TRIQK: variants seen among roughly 807,000 people sequenced by gnomAD.
TRIQK encodes triple QxxK/R motif-containing protein.
TRIQK carries 10 observed loss-of-function variants against 10.8 expected under a neutral mutation model. The observed-to-expected ratio is 0.92, with a 90% confidence interval of 0.57 to 1.57. The LOEUF is 1.57. Among genes scored for constraint, TRIQK ranks in the 40% most tolerant of loss-of-function variants. The pLI, the probability that TRIQK is intolerant of heterozygous loss-of-function variation, is 0.00. For synonymous variants in TRIQK, 33 were observed against 33.7 expected (o/e 0.98, Z 0.07); for missense variants, 107 against 97.7 (o/e 1.09, Z -0.40).
At chr8:92,963,214 T>C (rs1056039974) in intron 1 of TRIQK, among the ~76,000 whole-genome samples, 1 of 152,218 alleles carries the variant, frequency 6.6e-6, no homozygotes, top group African/African-American at 2.4e-5. Context: ...CATATATACA[T>C]TTATGCGTTT....
chr8:92,885,874 A>G lies in TRIQK; in HGVS notation c.*748T>C, dbSNP rs1816449235. 6.6e-6 allele frequency: 1 copy of G among 151,712 alleles called. No individual in the cohort carries two copies. The highest frequency in any genetic ancestry group is 1.5e-5 in the Non-Finnish European group (1 of 67,780). The allele number at this position is 151,712 out of a possible 1,614,324, so 9.4% of individuals were successfully genotyped here. On this transcript the variant is annotated 3_prime_UTR_variant, in exon 5 of 5. Coordinates refer to ENST00000521988, the MANE Select transcript of TRIQK (RefSeq NM_001171797.2). ...CTAACAAGAGGGGCGAACTGATACT[A>G]CAAGCAGCCAGAACAACATAATTAG...
chr8:92,975,374 T>C (rs1344006323), intron 1 of TRIQK, among the ~76,000 whole-genome samples: 1 of 152,222 alleles, frequency 6.6e-6, no homozygotes, highest in African/African-American at 2.4e-5. Context: ...TTAAAGTAGA[T>C]GTGGGACTAT....
At chr8:92,964,949 CT>C (rs1305699743) in intron 1 of TRIQK, 2 of 152,310 alleles carry the variant, frequency 1.3e-5, no homozygotes, top group South Asian at 4.1e-4. Context: ...GGGGTTTGCA[CT>C]GTAAACCTGC....
At chr8:93,003,806 T>C (rs1302273830) in intron 1 of TRIQK, among the ~76,000 whole-genome samples, 2 of 152,210 alleles carry the variant, frequency 1.3e-5, no homozygotes, top group Non-Finnish European at 2.9e-5. Context: ...AAAGGGAGGC[T>C]ACAAGCCCCA....
intron 1 of TRIQK, among the ~76,000 whole-genome samples, chr8:93,016,433 T>C (rs1035474120): frequency 6.6e-6 from 1 of 152,216 alleles, no homozygotes; most frequent in Non-Finnish European, 1.5e-5. Flanking sequence ...TAACAACTAG[T>C]TTTCTAATCT....
intron 2 of TRIQK, among the ~76,000 whole-genome samples, chr8:92,935,888 C>G (rs1176577536): frequency 6.6e-6 from 1 of 151,362 alleles, no homozygotes; most frequent in African/African-American, 2.4e-5. Context: ...AGGTAGAGAT[C>G]AAATAGAATA....
chr8:92,941,950 G>GA (rs1811292098), intron 2 of TRIQK, among the ~76,000 whole-genome samples: 1 of 152,096 alleles, frequency 6.6e-6, no homozygotes, highest in African/African-American at 2.4e-5. Flanking sequence ...TCTCATCAGT[G>GA]AAAATCCCAG....
At chr8:92,980,715 T>C (rs1812978364) in intron 1 of TRIQK, among the ~76,000 whole-genome samples, 1 of 151,928 alleles carries the variant, frequency 6.6e-6, no homozygotes, top group Non-Finnish European at 1.5e-5. Flanking sequence ...TAATTACTCA[T>C]TCTCTTATAT....
intron 2 of TRIQK, chr8:92,929,391 T>A (rs1002449372): frequency 6.6e-5 from 10 of 152,256 alleles, no homozygotes; most frequent in African/African-American, 2.4e-4. Context: ...AAGCACTTGT[T>A]TTTCCCAAAA....
intron 2 of TRIQK, among the ~76,000 whole-genome samples, chr8:92,919,948 G>A (rs1563633353): frequency 6.6e-6 from 1 of 151,618 alleles, no homozygotes; most frequent in Non-Finnish European, 1.5e-5. Flanking sequence ...AGTCGCTAAT[G>A]ATCTTTTGCA....
At chr8:92,896,329 T>C (rs1279065751) in intron 3 of TRIQK, among the ~76,000 whole-genome samples, 1 of 152,202 alleles carries the variant, frequency 6.6e-6, no homozygotes, top group African/African-American at 2.4e-5. Context: ...TCATGAGCTG[T>C]GGGGCCATGG....
intron 1 of TRIQK, among the ~76,000 whole-genome samples, chr8:93,001,748 A>G (rs1237435331): frequency 6.6e-6 from 1 of 152,210 alleles, no homozygotes; most frequent in East Asian, 1.9e-4. Flanking sequence ...AAAATCAATA[A>G]AGAAACATTG....
intron 1 of TRIQK, among the ~76,000 whole-genome samples, chr8:92,981,332 G>A (rs1160617395): frequency 6.6e-6 from 1 of 151,690 alleles, no homozygotes; most frequent in Non-Finnish European, 1.5e-5. Context: ...TAAATCCTCT[G>A]TTGAATATAA....
intron 2 of TRIQK, among the ~76,000 whole-genome samples, chr8:92,935,957 A>T (rs184716688): frequency 6.6e-5 from 10 of 151,792 alleles, no homozygotes; most frequent in Non-Finnish European, 1.3e-4. Context: ...TACCCTTAAA[A>T]AATAAGACAT....
chr8:92,950,694 G>A (rs1811851701), intron 2 of TRIQK, among the ~76,000 whole-genome samples: 1 of 152,080 alleles, frequency 6.6e-6, no homozygotes, highest in Non-Finnish European at 1.5e-5. Context: ...AATTTCCAAT[G>A]ATAAGTTTAG....
chr8:92,889,263 T>C (rs58874410), intron 4 of TRIQK, among the ~76,000 whole-genome samples: 2,009 of 151,736 alleles, frequency 0.013, 45 homozygotes, highest in African/African-American at 0.046. Flanking sequence ...CTCTAGCCCA[T>C]GATTTCTCAA....
chr8:92,903,866 A>C (rs924717842), intron 3 of TRIQK, among the ~76,000 whole-genome samples: 3 of 152,106 alleles, frequency 2.0e-5, no homozygotes, highest in Non-Finnish European at 4.4e-5. Context: ...ATAATAAACA[A>C]ACAAAAATTG....
At chr8:92,903,701 TATC>T (rs1171642718) in intron 3 of TRIQK, among the ~76,000 whole-genome samples, 2 of 152,110 alleles carry the variant, frequency 1.3e-5, no homozygotes, top group Non-Finnish European at 2.9e-5. Context: ...ATAAGATAGT[TATC>T]ATATTTAACT....
intron 3 of TRIQK, among the ~76,000 whole-genome samples, chr8:92,916,600 A>G (rs1809862708): frequency 6.6e-6 from 1 of 152,124 alleles, no homozygotes; most frequent in Non-Finnish European, 1.5e-5. Context: ...AAGTTATAAT[A>G]TGTATACAAA....
Sources: allele counts gnomAD v4.1 joint callset (sites outside exome capture counted in the v4.1 genomes callset), GRCh38; gene constraint gnomAD v4.1.1; transcripts MANE v1.5; gene names NCBI Gene and HGNC (gene_info 2026-07-23, HGNC 2026-07-21).